The following LCA5 variants were observed in gnomAD, a reference collection of about 807,000 sequenced individuals.
LCA5 encodes the protein lebercilin.
A neutral mutation model predicts 53.0 loss-of-function variants in LCA5; 37 were observed. That is an observed-to-expected ratio of 0.70 (90% CI 0.54 to 0.92). The LOEUF is 0.92. LCA5 is among the 40% of genes least tolerant of loss of function. The pLI, the probability that LCA5 is intolerant of heterozygous loss-of-function variation, is 0.00. For missense variants in LCA5, 806 were observed against 790.5 expected (o/e 1.02, Z -0.23); for synonymous variants, 303 against 282.9 (o/e 1.07, Z -0.71).
At chr6:79,519,715 CAAAA>C (rs397887695) in intron 1 of LCA5, among the ~76,000 whole-genome samples, 1 of 49,998 alleles carries the variant, frequency 2.0e-5, no homozygotes, top group Admixed American at 2.1e-4. Flanking sequence ...GACTCCATCT[CAAAA>C]AAAAAAAAAA....
chr6:79,527,858 A>G (rs1374161776), intron 1 of LCA5, among the ~76,000 whole-genome samples: 5 of 151,952 alleles, frequency 3.3e-5, no homozygotes, highest in East Asian at 1.9e-4. Flanking sequence ...CAAAAACTCA[A>G]CCTCCCATTT....
intron 1 of LCA5, among the ~76,000 whole-genome samples, chr6:79,531,150 C>T (rs780545675): frequency 7.9e-5 from 12 of 152,124 alleles, no homozygotes; most frequent in Non-Finnish European, 1.6e-4. Flanking sequence ...CGTTGAGTGA[C>T]CTACTCAATA....
intron 3 of LCA5, among the ~76,000 whole-genome samples, chr6:79,494,189 T>C (rs1309763644): frequency 2.0e-5 from 3 of 151,868 alleles, no homozygotes; most frequent in Non-Finnish European, 4.4e-5. Context: ...CCTGGAAGTT[T>C]GCGCCAGTGA....
rs554262381 is a variant in LCA5 at position 79,516,125 on chromosome 6, G to GT, written c.191-2385dup. Among the ~76,000 whole-genome samples, 53 of 146,458 alleles carry GT rather than the reference G, an allele frequency of 3.6e-4. No homozygotes were observed. The South Asian group carries it at 3.7e-3, about 10-fold the overall frequency. ...TATATTATTAAAATTAATTTCATTT[G>GT]TTTTTTTTTTAACCTGGTTACTAGA... On this transcript the variant is annotated intron_variant, in intron 2 of 7. Transcript: ENST00000369846.
intron 1 of LCA5, among the ~76,000 whole-genome samples, chr6:79,528,748 A>T (rs1317174525): frequency 6.6e-6 from 1 of 152,184 alleles, no homozygotes; most frequent in African/African-American, 2.4e-5. Context: ...CATCAATTAT[A>T]CTCAGATGCC....
In LCA5 at chr6:79,517,783, T is replaced by A. The variant is rs9448737; in HGVS notation, c.190+922A>T. Among the ~76,000 whole-genome samples, 849 of 152,256 alleles carry A rather than the reference T, an allele frequency of 5.6e-3. 8 individuals carry two copies. Among genetic ancestry groups the A allele is most frequent in the African/African-American group, 0.019 (809 of 41,556 alleles). Reference sequence around the variant, plus strand: ...AAATTTATAAAGACAAACTTAATTATGTCCTTGCTTAAATCCTTTCAATGG... The same window carrying A: ...AAATTTATAAAGACAAACTTAATTAAGTCCTTGCTTAAATCCTTTCAATGG... On this transcript the variant is annotated intron_variant, in intron 2 of 7. Transcript: ENST00000369846.
chr6:79,525,006 A>T (rs1320092351), intron 1 of LCA5, among the ~76,000 whole-genome samples: 1 of 152,052 alleles, frequency 6.6e-6, no homozygotes, highest in African/African-American at 2.4e-5. Context: ...ACCATCATTT[A>T]AAAAATTATG....
At chr6:79,518,681 C>A (rs568441495) in intron 2 of LCA5, 24 bp downstream of exon 2, 3 of 1,608,312 alleles carry the variant, frequency 1.9e-6, no homozygotes, top group Admixed American at 1.7e-5. Flanking sequence ...CTAGGTCCAC[C>A]AGACTCTTTT....
At chr6:79,526,966 A>T (rs1170939873) in intron 1 of LCA5, among the ~76,000 whole-genome samples, 3 of 152,056 alleles carry the variant, frequency 2.0e-5, no homozygotes, top group Non-Finnish European at 4.4e-5. Flanking sequence ...CCACCCTGTC[A>T]CCCCTTAGGT....
intron 3 of LCA5, among the ~76,000 whole-genome samples, chr6:79,506,914 T>C (rs1201990674): frequency 2.6e-5 from 4 of 152,220 alleles, no homozygotes; most frequent in Non-Finnish European, 5.9e-5. Flanking sequence ...AAAACATCCA[T>C]TGAAAGACGA....
At position 79,513,288 on chromosome 6, in the gene LCA5, A is replaced by C; in HGVS notation, c.644T>G (p.Leu215Arg). ...CTTTGCCAAATCATCTCGTTCAGGTAGGTGTCTAGCTTCAGAGATCTCTTT... is the reference window on the plus strand; with the variant it reads ...CTTTGCCAAATCATCTCGTTCAGGTCGGTGTCTAGCTTCAGAGATCTCTTT... Reference protein sequence around the residue: ...KLKEISEARHLPERDDLAKKL... With the variant: ...KLKEISEARHRPERDDLAKKL... The change falls in exon 3 of 8, where the codon CTA becomes CGA. Residue 215 changes from leucine to arginine, a missense_variant. Transcript: ENST00000369846. The C allele has an allele frequency of 6.2e-7, 1 of 1,613,698 alleles. No individual in the cohort carries two copies. Among genetic ancestry groups the C allele is most frequent in the Non-Finnish European group, 8.5e-7 (1 of 1,179,700 alleles).
At chr6:79,521,277 A>T (rs1431086765) in intron 1 of LCA5, among the ~76,000 whole-genome samples, 1 of 152,182 alleles carries the variant, frequency 6.6e-6, no homozygotes, top group East Asian at 1.9e-4. Flanking sequence ...AGATTTTTGA[A>T]AAGCAATTCC....
intron 1 of LCA5, among the ~76,000 whole-genome samples, chr6:79,521,665 C>T (rs576096957): frequency 6.6e-6 from 1 of 152,092 alleles, no homozygotes; most frequent in Non-Finnish European, 1.5e-5. Context: ...TTAAAAAAAA[C>T]TTCTTCACTT....
intron 1 of LCA5, among the ~76,000 whole-genome samples, chr6:79,524,900 C>CT (rs1253515595): frequency 6.6e-6 from 1 of 151,880 alleles, no homozygotes; most frequent in Non-Finnish European, 1.5e-5. Context: ...GATAATTAAC[C>CT]TTTTTTTCAT....
At chr6:79,497,740 C>T (rs150552638) in intron 3 of LCA5, among the ~76,000 whole-genome samples, 625 of 152,026 alleles carry the variant, frequency 4.1e-3, no homozygotes, top group Middle Eastern at 6.8e-3. Flanking sequence ...TTTGGGAGGC[C>T]GACGCGGGCA....
chr6:79,520,089 TA>T (rs1766583325), intron 1 of LCA5, among the ~76,000 whole-genome samples: 2 of 152,098 alleles, frequency 1.3e-5, no homozygotes, highest in Admixed American at 1.3e-4. Context: ...TTTGATACAA[TA>T]ATTTCTGGAC....
chr6:79,517,845 G>C (rs1766485497), intron 2 of LCA5, among the ~76,000 whole-genome samples: 2 of 152,200 alleles, frequency 1.3e-5, no homozygotes, highest in Admixed American at 1.3e-4. Flanking sequence ...CAATACATTA[G>C]CACAGGATGC....
At chr6:79,528,024 A>G (rs987796550) in intron 1 of LCA5, among the ~76,000 whole-genome samples, 1 of 152,194 alleles carries the variant, frequency 6.6e-6, no homozygotes, top group African/African-American at 2.4e-5. Flanking sequence ...GAATGGGTCA[A>G]ATTTTCGGTA....
chr6:79,509,391 T>C (rs1258230413), intron 3 of LCA5, among the ~76,000 whole-genome samples: 4 of 150,422 alleles, frequency 2.7e-5, no homozygotes, highest in Non-Finnish European at 5.9e-5. Context: ...GAGGTGGAGG[T>C]TGCAGTGAGC....
Sources: allele counts gnomAD v4.1 joint callset (sites outside exome capture counted in the v4.1 genomes callset), GRCh38; gene constraint gnomAD v4.1.1; transcripts MANE v1.5; gene names NCBI Gene and HGNC (gene_info 2026-07-23, HGNC 2026-07-21).